PTGS1: variants seen among roughly 807,000 people sequenced by gnomAD.
The protein encoded by PTGS1 is prostaglandin G/H synthase 1.
PTGS1 carries 40 observed loss-of-function variants against 63.0 expected under a neutral mutation model. The observed-to-expected ratio is 0.63, with a 90% confidence interval of 0.49 to 0.83. The LOEUF (loss-of-function observed/expected upper bound fraction) is 0.83, where lower values mean the gene tolerates loss of function less well. Ranked by LOEUF, PTGS1 falls within the 40% of genes least tolerant of loss-of-function variation. The probability of loss-of-function intolerance (pLI) is 0.00; values close to 1 mark genes in which losing one functional copy is unlikely to be tolerated. For synonymous variants in PTGS1, 298 were observed against 301.9 expected, an observed-to-expected ratio of 0.99 and a Z score of 0.13; for missense variants, 709 against 786.5, an observed-to-expected ratio of 0.90 and a Z score of 1.18.
rs1048110372 is a variant in PTGS1 at position 122,371,049 on chromosome 9, C to T, written c.-36C>T. On this transcript the variant is annotated 5_prime_UTR_variant, in exon 1 of 11. Coordinates refer to ENST00000362012, the MANE Select transcript of PTGS1 (RefSeq NM_000962.4). ...AGTGTGCGAGGCGCACGCACAGGAG[C>T]CTGCACTCTGCGTCCCGCACCCCAG... 10 of 1,580,234 alleles carry T rather than the reference C, an allele frequency of 6.3e-6. No homozygotes were observed. The Admixed American group carries it at 1.2e-4, about 20-fold the overall frequency.
intron 5 of PTGS1, 47 bp downstream of exon 5, chr9:122,378,965 A>G: frequency 2.5e-6 from 4 of 1,603,594 alleles, no homozygotes; most frequent in Non-Finnish European, 3.4e-6. Flanking sequence ...GGAGGTGCTC[A>G]GTTCTTCTCT....
chr9:122,371,113 G>T (rs753286638), intron 1 of PTGS1, 22 bp downstream of exon 1: 5 of 1,604,548 alleles, frequency 3.1e-6, no homozygotes, highest in Non-Finnish European at 3.4e-6. Flanking sequence ...CCCGGTGCCC[G>T]GTGGGGAATT....
In PTGS1 at chr9:122,392,304, T is replaced by C. The variant is rs1315208727; in HGVS notation, c.1560T>C (p.Ser520=). The C allele has an allele frequency of 6.2e-7, 1 of 1,613,650 alleles. No individual in the cohort carries two copies. Among genetic ancestry groups the C allele is most frequent in the Non-Finnish European group, 8.5e-7 (1 of 1,179,896 alleles). Residue 520 remains serine (S), a synonymous_variant, in exon 11 of 11, where the codon AGT becomes AGC. Coordinates refer to ENST00000362012, the MANE Select transcript of PTGS1 (RefSeq NM_000962.4). ...KCHPNSIFGE[S]MIEIGAPFSL... ...ATCCAAACTCTATCTTTGGGGAGAG[T>C]ATGATAGAGATTGGGGCTCCCTTTT... is the stretch of plus-strand genomic sequence containing the variant.
In PTGS1 at chr9:122,378,582, G is replaced by A. The variant is rs761637671; in HGVS notation, c.352+9G>A. The A allele has an allele frequency of 1.2e-6, 2 of 1,614,162 alleles. No homozygotes were observed. The highest frequency in any genetic ancestry group is 1.1e-5 in the South Asian group (1 of 91,078). Reference sequence around the variant, plus strand: ...GCGCCTGGTACTCACAGGTGGGTGTGGGGCAGGGCCCCCTGACCTGGGGGA... The same window carrying A: ...GCGCCTGGTACTCACAGGTGGGTGTAGGGCAGGGCCCCCTGACCTGGGGGA... On this transcript the variant is annotated intron_variant, in intron 4 of 10. Transcript: ENST00000362012.
chr9:122,374,377 G>T (rs1339380927), intron 2 of PTGS1, among the ~76,000 whole-genome samples: 1 of 152,112 alleles, frequency 6.6e-6, no homozygotes, highest in Non-Finnish European at 1.5e-5. Flanking sequence ...CCCCCTTCAT[G>T]GGATATACAG....
At position 122,383,662 on chromosome 9, in the gene PTGS1, C is replaced by G. The variant is rs780267925; in HGVS notation, c.916C>G (p.Arg306Gly). The G allele has an allele frequency of 6.2e-7, 1 of 1,614,124 alleles. No homozygotes were observed. Among genetic ancestry groups the G allele is most frequent in the Non-Finnish European group, 8.5e-7 (1 of 1,180,020 alleles). The stretch of plus-strand genomic sequence containing the variant: ...CATGCTGTATGCCACGCTCTGGCTA[C>G]GTGAGCACAACCGTGTGTGTGACCT... ...GLMLYATLWL[R>G]EHNRVCDLLK... The change falls in exon 8 of 11, where the codon CGT becomes GGT. Residue 306 changes from arginine to glycine, a missense_variant. Coordinates refer to ENST00000362012, the MANE Select transcript of PTGS1 (RefSeq NM_000962.4).
chr9:122,378,823 A>G lies in PTGS1; in HGVS notation c.401A>G (p.Asp134Gly), dbSNP rs954849919. Residue 134 changes from aspartate to glycine, a missense_variant, in exon 5 of 11, where the codon GAC becomes GGC. Physicochemically the swap from Asp to Gly is moderately conservative, Grantham distance 94 (BLOSUM62 -1). Coordinates refer to ENST00000362012, the MANE Select transcript of PTGS1 (RefSeq NM_000962.4). ...PSPPTYNSAH[D>G]YISWESFSNV... Reference sequence around the variant, plus strand: ...CCCCCCACCTACAACTCAGCACATGACTACATCAGCTGGGAGTCTTTCTCC... The same window carrying G: ...CCCCCCACCTACAACTCAGCACATGGCTACATCAGCTGGGAGTCTTTCTCC... 3 of 1,614,050 alleles carry G rather than the reference A, an allele frequency of 1.9e-6. No homozygotes were observed. The highest frequency in any genetic ancestry group is 2.7e-5 in the African/African-American group (2 of 74,916).
Position 122,381,664 on chromosome 9 carries a change from G to T in PTGS1, c.679G>T (p.Val227Leu). ...PGFTKALGHGVDLGHIYGDNL... is the reference protein window; with the variant it reads ...PGFTKALGHGLDLGHIYGDNL... Reference sequence around the variant, plus strand: ...TGAGGGAACCCCTCTCTGTCCACAGGTAGACCTCGGCCACATTTATGGAGA... The same window carrying T: ...TGAGGGAACCCCTCTCTGTCCACAGTTAGACCTCGGCCACATTTATGGAGA... The change falls in exon 7 of 11, where the codon GTA (valine) becomes TTA (leucine). Residue 227 changes from valine to leucine, a missense_variant and splice_region_variant. Coordinates refer to ENST00000362012, the MANE Select transcript of PTGS1 (RefSeq NM_000962.4). 6.2e-7 allele frequency: 1 copy of T among 1,614,180 alleles called. No individual in the cohort carries two copies. Among genetic ancestry groups the T allele is most frequent in the Non-Finnish European group, 8.5e-7 (1 of 1,180,008 alleles).
At position 122,390,180 on chromosome 9, in the gene PTGS1, G is replaced by C; in HGVS notation, c.1297-18G>C. On this transcript the variant is annotated intron_variant, in intron 9 of 10. Coordinates refer to ENST00000362012, the MANE Select transcript of PTGS1 (RefSeq NM_000962.4). ...CTGGCCTGGCTCCCAGACCACTGCT[G>C]TGCTTCTCTCTCGGCAGATCGGTGG... The C allele has an allele frequency of 6.2e-7, 1 of 1,611,928 alleles. No individual in the cohort carries two copies. The highest frequency in any genetic ancestry group is 8.5e-7 in the Non-Finnish European group (1 of 1,178,774).
Position 122,371,207 on chromosome 9 carries a change from T to C in PTGS1, c.29T>C (p.Leu10Ser). 6.2e-7 allele frequency: 1 copy of C among 1,608,524 alleles called. No homozygotes were observed. The highest frequency in any genetic ancestry group is 8.5e-7 in the Non-Finnish European group (1 of 1,179,888). MSRSLLLWF[L>S]LFLLLLPPLP... Reference sequence around the variant, plus strand: ...GCAGGGAGTCTCTTGCTCTGGTTCTTGCTGTTCCTGCTCCTGCTCCCGCCG... The same window carrying C: ...GCAGGGAGTCTCTTGCTCTGGTTCTCGCTGTTCCTGCTCCTGCTCCCGCCG... Residue 10 changes from leucine (L) to serine (S), a missense_variant, in exon 2 of 11, where the codon TTG becomes TCG. Leu to Ser is a moderately radical substitution (Grantham distance 145). Coordinates refer to ENST00000362012, the MANE Select transcript of PTGS1 (RefSeq NM_000962.4).
At position 122,394,941 on chromosome 9, in the gene PTGS1, T is replaced by C. The variant is rs903626749; in HGVS notation, c.*2397T>C. 6.6e-6 allele frequency: 1 copy of C among 152,242 alleles called. No individual in the cohort carries two copies. Among genetic ancestry groups the C allele is most frequent in the East Asian group, 1.9e-4 (1 of 5,186 alleles). The allele number at this position is 152,242 out of a possible 1,614,324, so 9.4% of individuals were successfully genotyped here. Reference sequence around the variant, plus strand: ...AATCAAGCCTTTATGGCTGCTGGGCTGAGTGACACAAGCACTTTAATGGCC... The same window carrying C: ...AATCAAGCCTTTATGGCTGCTGGGCCGAGTGACACAAGCACTTTAATGGCC... On this transcript the variant is annotated 3_prime_UTR_variant, in exon 11 of 11. Coordinates refer to ENST00000362012, the MANE Select transcript of PTGS1 (RefSeq NM_000962.4).
rs371392581 is a variant in PTGS1, at chr9:122,381,613, G to A, written c.679-51G>A. The A allele has an allele frequency of 4.4e-5, 71 of 1,612,852 alleles. 1 individual carries two copies. In the African/African-American group the frequency reaches 7.5e-4, roughly 17 times the overall value. On this transcript the variant is annotated intron_variant, in intron 6 of 10. Transcript: ENST00000362012. ...CCTAATTTGGCACGCGTATGTCATCGACAGTGGGCCGGCACCCTGGTGACC... is the reference window on the plus strand; with the variant it reads ...CCTAATTTGGCACGCGTATGTCATCAACAGTGGGCCGGCACCCTGGTGACC...
intron 9 of PTGS1, among the ~76,000 whole-genome samples, chr9:122,389,524 C>T (rs1272524597): frequency 6.6e-6 from 1 of 152,170 alleles, no homozygotes; most frequent in African/African-American, 2.4e-5. Flanking sequence ...GCTTTTTTAT[C>T]TTGCCAGGTT....
chr9:122,372,331 G>A (rs1464450835), intron 2 of PTGS1, among the ~76,000 whole-genome samples: 1 of 152,106 alleles, frequency 6.6e-6, no homozygotes, highest in Non-Finnish European at 1.5e-5. Flanking sequence ...GGCATTTAGG[G>A]GACCCAAAGA....
At chr9:122,378,407 C>A (rs1353815476) in intron 3 of PTGS1, 26 bp from the exon 4 acceptor site, 2 of 1,611,604 alleles carry the variant, frequency 1.2e-6, no homozygotes, top group Non-Finnish European at 1.7e-6. Flanking sequence ...GAGGGACCAA[C>A]TGAGTGACTG....
At chr9:122,372,754 C>T (rs1836876763) in intron 2 of PTGS1, 1 of 152,274 alleles carries the variant, frequency 6.6e-6, no homozygotes, top group Non-Finnish European at 1.5e-5. Context: ...CACAATGAGC[C>T]ATGGTCTGTG....
chr9:122,386,342 A>C, intron 8 of PTGS1, 104 bp from the exon 9 acceptor site: 1 of 1,267,102 alleles, frequency 7.9e-7, no homozygotes, highest in Non-Finnish European at 1.1e-6. Flanking sequence ...AACAACAATA[A>C]AGAGACCAAA....
Position 122,378,847 on chromosome 9 carries a change from CCAA to C in PTGS1, c.427_429del (p.Asn143del). The C allele has an allele frequency of 6.2e-7, 1 of 1,614,224 alleles. No homozygotes were observed. The highest frequency in any genetic ancestry group is 1.1e-5 in the South Asian group (1 of 91,086). On this transcript the variant is annotated inframe_deletion, in exon 5 of 11. Coordinates refer to ENST00000362012, the MANE Select transcript of PTGS1 (RefSeq NM_000962.4). ...GACTACATCAGCTGGGAGTCTTTCT[CCAA>C]CGTGAGCTATTACACTCGTATTCTG...
At chr9:122,379,686 C>A (rs1180106764) in intron 5 of PTGS1, among the ~76,000 whole-genome samples, 2 of 152,230 alleles carry the variant, frequency 1.3e-5, no homozygotes, top group African/African-American at 4.8e-5. Context: ...ACCAGGATAG[C>A]TGAGTCTTGC....
Sources: gnomAD v4.1 joint callset for allele counts (sites outside exome capture counted in the v4.1 genomes callset) on GRCh38, gnomAD v4.1.1 for gene constraint, MANE v1.5 for transcripts, NCBI Gene and HGNC (gene_info 2026-07-23, HGNC 2026-07-21) for gene names.